The following MUSK variants were observed in gnomAD, a reference collection of about 807,000 sequenced individuals.
The protein encoded by MUSK is muscle, skeletal receptor tyrosine-protein kinase.
A neutral mutation model predicts 88.7 loss-of-function variants in MUSK; 55 were observed. The observed-to-expected ratio is 0.62, with a 90% CI of 0.50 to 0.78. MUSK has a LOEUF of 0.78. MUSK is among the 30% of genes least tolerant of loss of function. The probability of loss-of-function intolerance (pLI) is 0.00; values close to 1 mark genes in which losing one functional copy is unlikely to be tolerated. For synonymous variants in MUSK, 387 were observed against 391.9 expected (o/e 0.99, Z 0.15); for missense variants, 1,015 against 1,074.3 (o/e 0.94, Z 0.77).
At chr9:110,680,580 T>G (rs926681913) in intron 1 of MUSK, among the ~76,000 whole-genome samples, 30 of 151,728 alleles carry the variant, frequency 2.0e-4, no homozygotes, top group African/African-American at 7.3e-4. Flanking sequence ...GAGACAGGGT[T>G]TCACCATGTT....
chr9:110,701,923 T>TATTTCATTTC (rs1321358016), intron 5 of MUSK, among the ~76,000 whole-genome samples: 15 of 140,296 alleles, frequency 1.1e-4, no homozygotes, highest in South Asian at 4.4e-4. Context: ...TATTTTATTT[T>TATTTCATTTC]ATTTCATAGA....
intron 7 of MUSK, among the ~76,000 whole-genome samples, chr9:110,750,399 G>A (rs913489702): frequency 6.6e-6 from 1 of 152,066 alleles, no homozygotes; most frequent in Non-Finnish European, 1.5e-5. Context: ...AGCTGAACTT[G>A]TGATTTTATC....
intron 6 of MUSK, among the ~76,000 whole-genome samples, chr9:110,740,315 T>C (rs1277988829): frequency 6.6e-6 from 1 of 152,140 alleles, no homozygotes; most frequent in African/African-American, 2.4e-5. Flanking sequence ...CAAGGTGCTA[T>C]CAGGGTTGGT....
intron 6 of MUSK, among the ~76,000 whole-genome samples, chr9:110,738,280 G>A (rs1382890192): frequency 7.2e-6 from 1 of 138,580 alleles, no homozygotes; most frequent in African/African-American, 2.5e-5. Flanking sequence ...AGGATTTCAG[G>A]TCCATAAACA....
chr9:110,780,860 G>A (rs2077742114), intron 11 of MUSK, among the ~76,000 whole-genome samples: 1 of 152,124 alleles, frequency 6.6e-6, no homozygotes, highest in African/African-American at 2.4e-5. Context: ...CCATGATAGG[G>A]CTTCATGTTG....
intron 9 of MUSK, among the ~76,000 whole-genome samples, chr9:110,771,517 G>T (rs1003304163): frequency 6.6e-6 from 1 of 151,894 alleles, no homozygotes; most frequent in Admixed American, 6.6e-5. Flanking sequence ...ATACTGCTTT[G>T]TGTCTGACTT....
At chr9:110,689,097 AATAT>A (rs1034497372) in intron 3 of MUSK, among the ~76,000 whole-genome samples, 1 of 137,232 alleles carries the variant, frequency 7.3e-6, no homozygotes, top group Admixed American at 7.6e-5. Flanking sequence ...TTTACATTTA[AATAT>A]ATAGTTTTAT....
At chr9:110,683,154 C>T (rs766154823) in intron 2 of MUSK, among the ~76,000 whole-genome samples, 40 of 152,038 alleles carry the variant, frequency 2.6e-4, no homozygotes, top group Admixed American at 5.9e-4. Context: ...CCTCTGGTAA[C>T]CATCCTTTTA....
At chr9:110,712,396 G>A (rs1052676917) in intron 5 of MUSK, among the ~76,000 whole-genome samples, 7 of 151,930 alleles carry the variant, frequency 4.6e-5, no homozygotes, top group Non-Finnish European at 1.0e-4. Context: ...TTAATTTATG[G>A]CCATATCAAT....
chr9:110,767,391 T>C (rs2077501369), intron 8 of MUSK, among the ~76,000 whole-genome samples: 1 of 152,258 alleles, frequency 6.6e-6, no homozygotes, highest in African/African-American at 2.4e-5. Flanking sequence ...ATAAACTATG[T>C]TCCTAAAGCT....
At chr9:110,755,933 C>CGTGT (rs1394411648) in intron 7 of MUSK, among the ~76,000 whole-genome samples, 16 of 81,556 alleles carry the variant, frequency 2.0e-4, no homozygotes, top group African/African-American at 7.8e-4. Flanking sequence ...TATATATATA[C>CGTGT]ATATATATAT....
chr9:110,789,584 G>A (rs996846400), intron 14 of MUSK, among the ~76,000 whole-genome samples: 13 of 152,156 alleles, frequency 8.5e-5, no homozygotes, highest in Non-Finnish European at 1.5e-4. Flanking sequence ...TTCGAGACTA[G>A]CCTGGCCAAC....
At chr9:110,722,293 G>T (rs557930480) in intron 5 of MUSK, among the ~76,000 whole-genome samples, 1 of 152,248 alleles carries the variant, frequency 6.6e-6, no homozygotes, top group South Asian at 2.1e-4. Flanking sequence ...ACTTTGGGAG[G>T]CCAAGGCTGG....
chr9:110,696,943 C>T (rs1158288310), intron 4 of MUSK, among the ~76,000 whole-genome samples: 1 of 151,314 alleles, frequency 6.6e-6, no homozygotes, highest in Non-Finnish European at 1.5e-5. Context: ...TGTCTCACCA[C>T]CCCACTCTGC....
At chr9:110,761,278 A>C (rs895486864) in intron 7 of MUSK, among the ~76,000 whole-genome samples, 2 of 152,118 alleles carry the variant, frequency 1.3e-5, no homozygotes, top group Non-Finnish European at 2.9e-5. Flanking sequence ...TACATCCGTG[A>C]GCATGGGCAG....
Position 110,681,103 on chromosome 9 carries a change from A to AT in MUSK, c.80-1570dup, listed in dbSNP as rs1350975228. ...TATTATATAATATATATTATATAATATATATTATATATAATATATATTATA... is the reference window on the plus strand; with the variant it reads ...TATTATATAATATATATTATATAATATTATATTATATATAATATATATTATA... On this transcript the variant is annotated intron_variant, in intron 1 of 14. Coordinates refer to ENST00000374448, the MANE Select transcript of MUSK (RefSeq NM_005592.4). 2.1e-3 allele frequency among the ~76,000 whole-genome samples: 120 copies of AT among 57,312 alleles called. 8 individuals carry two copies. The highest frequency in any genetic ancestry group is 0.011 in the African/African-American group (116 of 10,528). 37.6% of individuals were successfully genotyped at this position (57,312 alleles called of 152,430 possible). A position where few individuals can be genotyped will look rare whatever the true frequency, so the allele number is the denominator to read the frequency against.
At chr9:110,733,388 A>G (rs2076988245) in intron 5 of MUSK, among the ~76,000 whole-genome samples, 1 of 152,068 alleles carries the variant, frequency 6.6e-6, no homozygotes, top group Non-Finnish European at 1.5e-5. Context: ...TCCAAGTTTA[A>G]TGATTCTGTG....
chr9:110,702,961 A>C (rs184942173), intron 5 of MUSK, among the ~76,000 whole-genome samples: 28 of 152,216 alleles, frequency 1.8e-4, no homozygotes, highest in African/African-American at 6.5e-4. Flanking sequence ...AAAAACCCAC[A>C]CACACACAAA....
rs2078112241 is a variant in MUSK, at chr9:110,802,710, A to G, written c.*1722A>G. Among the ~76,000 whole-genome samples, 1 of 152,178 alleles carries G rather than the reference A, an allele frequency of 6.6e-6. No homozygotes were observed. Among genetic ancestry groups the G allele is most frequent in the Non-Finnish European group, 1.5e-5 (1 of 68,032 alleles). The stretch of plus-strand genomic sequence containing the variant: ...CCTCTTCCCTTCAACCCAAGAGCCA[A>G]TGACTCAACCTCTACCGTTGCCCAC... On this transcript the variant is annotated 3_prime_UTR_variant, in exon 15 of 15. Transcript: ENST00000374448.
Sources: allele counts gnomAD v4.1 joint callset (sites outside exome capture counted in the v4.1 genomes callset), GRCh38; gene constraint gnomAD v4.1.1; transcripts MANE v1.5; gene names NCBI Gene and HGNC (gene_info 2026-07-23, HGNC 2026-07-21).